Variants in NINL observed in about 807,000 individuals in gnomAD.
NINL encodes ninein like.
In NINL, 153 loss-of-function variants were observed where a neutral mutation model predicts 160.3. The ratio of observed to expected loss-of-function variants is 0.95; its 90% CI spans 0.84 to 1.09. The LOEUF is 1.09. Among genes scored for constraint, NINL ranks in the 50% least tolerant of loss-of-function variants. The pLI, the probability that NINL is intolerant of heterozygous loss-of-function variation, is 0.00. For missense variants in NINL, 1,829 were observed against 1,764.0 expected, an observed-to-expected ratio of 1.04 and a Z score of -0.66; for synonymous variants, 800 against 734.8, an observed-to-expected ratio of 1.09 and a Z score of -1.43.
chr20:25,487,457 A>G (rs1243227640), intron 13 of NINL, among the ~76,000 whole-genome samples: 1 of 152,306 alleles, frequency 6.6e-6, no homozygotes, highest in Admixed American at 6.5e-5. Context: ...TTCTGTTAGA[A>G]TAACAGTCAT....
intron 10 of NINL, among the ~76,000 whole-genome samples, chr20:25,494,915 T>G (rs1326169259): frequency 2.0e-5 from 3 of 152,188 alleles, no homozygotes; most frequent in Non-Finnish European, 4.4e-5. Flanking sequence ...AGAAACAGTG[T>G]AAGGCCAGGA....
At chr20:25,544,221 G>A (rs1417575420) in intron 1 of NINL, among the ~76,000 whole-genome samples, 1 of 151,830 alleles carries the variant, frequency 6.6e-6, no homozygotes, top group Non-Finnish European at 1.5e-5. Context: ...AAACAGTGAC[G>A]ATGAGTGGCC....
intron 18 of NINL, 51 bp downstream of exon 18, chr20:25,469,940 C>A (rs540778943): frequency 7.6e-7 from 1 of 1,312,600 alleles, no homozygotes; most frequent in South Asian, 1.2e-5. Context: ...GGTCACTCTA[C>A]GGAGGGCAAA....
In NINL at chr20:25,497,971, G is replaced by A. The variant is rs116679575; in HGVS notation, c.1169+239C>T. Among the ~76,000 whole-genome samples, 838 of 152,322 alleles carry A rather than the reference G, an allele frequency of 5.5e-3. 11 individuals carry two copies. The highest frequency in any genetic ancestry group is 0.019 in the African/African-American group (801 of 41,568). On this transcript the variant is annotated intron_variant, in intron 9 of 23. Transcript: ENST00000278886. ...CAGGCCCCACCCAGCCCAGAAACAC[G>A]GATGAGCGGCTGCCATTCACCTGTC... is the stretch of plus-strand genomic sequence containing the variant.
chr20:25,491,646 G>T, intron 10 of NINL, 121 bp from the exon 11 acceptor site: 1 of 1,206,020 alleles, frequency 8.3e-7, no homozygotes, highest in Non-Finnish European at 1.1e-6. Flanking sequence ...GTGCAGGGCC[G>T]CCCTGCCTTG....
In NINL at chr20:25,476,315, C is replaced by T. The variant is rs1419705815; in HGVS notation, c.2976G>A (p.Glu992=). Residue 992 remains glutamate (E), a synonymous_variant, in exon 17 of 24, where the codon GAG becomes GAA. Coordinates refer to ENST00000278886, the MANE Select transcript of NINL (RefSeq NM_025176.6). ...CCCGGGCCTGCTGCTCCGAGGCCTG[C>T]TCCTGGGTGCCCCTGCTCCAGCTTC... ...RARSWSRGTQ[E]QASEQQARAE... is the part of the protein sequence containing the mutation. 9.3e-6 allele frequency: 15 copies of T among 1,612,982 alleles called. No homozygotes were observed. The highest frequency in any genetic ancestry group is 1.1e-5 in the Non-Finnish European group (13 of 1,179,950).
rs1315575719 is a variant in NINL at position 25,476,270 on chromosome 20, AG to A, written c.3020del (p.Pro1007LeufsTer43). 8.7e-6 allele frequency: 14 copies of A among 1,613,740 alleles called. No individual in the cohort carries two copies. In the Middle Eastern group the frequency reaches 1.7e-3, roughly 190 times the overall value. On this transcript the variant is annotated frameshift_variant, in exon 17 of 24. Transcript: ENST00000278886. LOFTEE classifies it high-confidence loss of function. ...CCTCCACACTGTGCTTGTGACACCC[AG>A]GCTCCAGGGCGCCCTCGGCCCGGGC... ...QQARAEGALE[P>X]GCHKHSVEVA...
chr20:25,469,112 A>C (rs1238683326), intron 18 of NINL, among the ~76,000 whole-genome samples: 57 of 55,812 alleles, frequency 1.0e-3, no homozygotes, highest in Admixed American at 2.6e-3. Context: ...TGGGTGCCCC[A>C]CTGCCCTGTC....
intron 7 of NINL, among the ~76,000 whole-genome samples, chr20:25,502,625 C>T (rs139228933): frequency 6.6e-6 from 1 of 152,276 alleles, no homozygotes; most frequent in East Asian, 1.9e-4. Context: ...TGGGAGGTGA[C>T]TGGATCTTGG....
intron 7 of NINL, among the ~76,000 whole-genome samples, chr20:25,502,947 G>A (rs558887572): frequency 3.9e-5 from 6 of 152,354 alleles, no homozygotes; most frequent in African/African-American, 1.4e-4. Context: ...CTTTAGCAAT[G>A]CGAGAACAGA....
intron 2 of NINL, among the ~76,000 whole-genome samples, chr20:25,525,243 G>T (rs1198139351): frequency 6.6e-6 from 1 of 152,194 alleles, no homozygotes; most frequent in Admixed American, 6.5e-5. Flanking sequence ...ACAAGAAGTC[G>T]GATTCAACCA....
At chr20:25,499,722 C>T (rs1341133002) in intron 8 of NINL, among the ~76,000 whole-genome samples, 1 of 152,018 alleles carries the variant, frequency 6.6e-6, no homozygotes, top group Non-Finnish European at 1.5e-5. Flanking sequence ...CAAGGGCTGT[C>T]TGGGCTCCTT....
chr20:25,498,742 G>A (rs924638936), intron 8 of NINL, among the ~76,000 whole-genome samples: 2 of 152,216 alleles, frequency 1.3e-5, no homozygotes, highest in African/African-American at 4.8e-5. Flanking sequence ...GATTCCCTGC[G>A]ATGAGGCCTG....
chr20:25,561,181 C>A (rs895345761), intron 1 of NINL, among the ~76,000 whole-genome samples: 1 of 152,192 alleles, frequency 6.6e-6, no homozygotes, highest in African/African-American at 2.4e-5. Flanking sequence ...CGATTGCAGG[C>A]GCGCGCCGCC....
intron 10 of NINL, among the ~76,000 whole-genome samples, chr20:25,494,394 T>G (rs1215609860): frequency 6.6e-6 from 1 of 151,328 alleles, no homozygotes; most frequent in African/African-American, 2.4e-5. Flanking sequence ...ATGGGCCCCA[T>G]GTACACGTAC....
intron 22 of NINL, among the ~76,000 whole-genome samples, chr20:25,456,077 CA>C (rs113414619): frequency 1.0e-4 from 14 of 138,108 alleles, no homozygotes; most frequent in Non-Finnish European, 7.8e-5. Context: ...GACTCAGTCT[CA>C]AAAAAAAAAG....
chr20:25,580,617 C>A (rs187933436), intron 1 of NINL, among the ~76,000 whole-genome samples: 1 of 152,244 alleles, frequency 6.6e-6, no homozygotes, highest in African/African-American at 2.4e-5. Flanking sequence ...AACCAGGCAG[C>A]GCCAGATGCA....
At chr20:25,509,238 G>A (rs1363493590) in intron 5 of NINL, among the ~76,000 whole-genome samples, 1 of 152,134 alleles carries the variant, frequency 6.6e-6, no homozygotes, top group Non-Finnish European at 1.5e-5. Flanking sequence ...GCCCAGCCAC[G>A]CTGAGGCCTG....
intron 1 of NINL, among the ~76,000 whole-genome samples, chr20:25,557,611 C>T (rs909386380): frequency 2.0e-5 from 3 of 151,706 alleles, no homozygotes; most frequent in Non-Finnish European, 4.4e-5. Context: ...TAATTCAACA[C>T]AAAGATATAT....
Sources: gnomAD v4.1 joint callset for allele counts (sites outside exome capture counted in the v4.1 genomes callset) on GRCh38, gnomAD v4.1.1 for gene constraint, MANE v1.5 for transcripts, NCBI Gene and HGNC (gene_info 2026-07-23, HGNC 2026-07-21) for gene names.